Variants in STARD13 observed in about 807,000 individuals in gnomAD.
STARD13 encodes stAR-related lipid transfer protein 13.
Under a neutral mutation model 106.4 loss-of-function variants are expected in STARD13, and 62 were observed. The ratio of observed to expected loss-of-function variants is 0.58; its 90% CI spans 0.48 to 0.72. STARD13 has a LOEUF of 0.72. STARD13 is among the 30% of genes least tolerant of loss of function. The pLI, the probability that STARD13 is intolerant of heterozygous loss-of-function variation, is 0.00. For synonymous variants in STARD13, 565 were observed against 553.0 expected (o/e 1.02, Z -0.31); for missense variants, 1,387 against 1,424.0 (o/e 0.97, Z 0.42).
At chr13:33,224,011 C>T (rs148000993) in intron 1 of STARD13, among the ~76,000 whole-genome samples, 116 of 152,202 alleles carry the variant, frequency 7.6e-4, no homozygotes, top group African/African-American at 2.6e-3. Context: ...GGGGAGGACA[C>T]CTGATCCAAG....
At chr13:33,219,052 G>T (rs949052039) in intron 1 of STARD13, among the ~76,000 whole-genome samples, 1 of 152,108 alleles carries the variant, frequency 6.6e-6, no homozygotes, top group African/African-American at 2.4e-5. Flanking sequence ...TATAACAATC[G>T]TGTTTACTAT....
chr13:33,414,359 C>T, the STARD13 span, among the ~76,000 whole-genome samples: 3 of 152,070 alleles, frequency 2.0e-5, no homozygotes, highest in South Asian at 6.2e-4. Flanking sequence ...TTTTTAGCAG[C>T]TTTATTGATG....
chr13:33,516,942 G>GAA, the STARD13 span, among the ~76,000 whole-genome samples: 12 of 115,570 alleles, frequency 1.0e-4, no homozygotes, highest in Admixed American at 2.7e-4. Flanking sequence ...CCTTGTCTCA[G>GAA]AAAAAAAAAA....
rs1873556089 is a variant in STARD13, at chr13:33,105,383, T to C, written c.*210A>G. 7.6e-6 allele frequency: 4 copies of C among 527,404 alleles called. No individual in the cohort carries two copies. The highest frequency in any genetic ancestry group is 1.4e-5 in the Non-Finnish European group (4 of 294,870). 32.7% of individuals were successfully genotyped at this position (527,404 alleles called of 1,614,324 possible). On this transcript the variant is annotated 3_prime_UTR_variant, in exon 14 of 14. Coordinates refer to ENST00000336934, the MANE Select transcript of STARD13 (RefSeq NM_178006.4). ...ATAAAGTTCTCATTTTAAAATTATA[T>C]TAGTAGGGATGTAGCCATCTCCAGG...
chr13:33,652,365 G>A, the STARD13 span, among the ~76,000 whole-genome samples: 1,946 of 152,260 alleles, frequency 0.013, 46 homozygotes, highest in African/African-American at 0.044. Flanking sequence ...TGGTGAAGAC[G>A]AATTTAAGCC....
chr13:33,517,783 C>T, the STARD13 span, among the ~76,000 whole-genome samples: 15 of 152,192 alleles, frequency 9.9e-5, no homozygotes, highest in East Asian at 1.5e-3. Context: ...ATTCTTTTTA[C>T]GCTTCTGATA....
intron 1 of STARD13, among the ~76,000 whole-genome samples, chr13:33,341,867 G>A (rs1326033060): frequency 6.6e-6 from 1 of 151,540 alleles, no homozygotes. Context: ...TCAGCTCACT[G>A]CAACCTCCTC....
chr13:33,465,375 G>T, the STARD13 span, among the ~76,000 whole-genome samples: 8 of 151,638 alleles, frequency 5.3e-5, no homozygotes, highest in South Asian at 2.1e-4. Context: ...CCGGCTAATT[G>T]TTTGTATTTT....
chr13:33,433,672 G>A, the STARD13 span, among the ~76,000 whole-genome samples: 3 of 152,136 alleles, frequency 2.0e-5, no homozygotes, highest in Non-Finnish European at 2.9e-5. Flanking sequence ...TGAACACTGA[G>A]TATTTACAAG....
chr13:33,624,783 T>C, the STARD13 span, among the ~76,000 whole-genome samples: 1 of 152,252 alleles, frequency 6.6e-6, no homozygotes, highest in Non-Finnish European at 1.5e-5. Context: ...TATAGATAAC[T>C]TAATCCAAGG....
the STARD13 span, among the ~76,000 whole-genome samples, chr13:33,586,913 G>T: frequency 6.6e-6 from 1 of 152,074 alleles, no homozygotes; most frequent in Admixed American, 6.6e-5. Flanking sequence ...GAGTACCCCT[G>T]TTCAATTTTC....
At chr13:33,385,517 A>G in the STARD13 span, among the ~76,000 whole-genome samples, 3 of 148,728 alleles carry the variant, frequency 2.0e-5, no homozygotes, top group Admixed American at 6.7e-5. Context: ...CCTGTTTAAG[A>G]GCAGAGATAA....
the STARD13 span, among the ~76,000 whole-genome samples, chr13:33,609,661 G>T: frequency 6.6e-6 from 1 of 151,642 alleles, no homozygotes. Context: ...CCACCTCCCG[G>T]GTTCACGTCA....
chr13:33,577,497 G>T, the STARD13 span, among the ~76,000 whole-genome samples: 1 of 152,116 alleles, frequency 6.6e-6, no homozygotes, highest in Non-Finnish European at 1.5e-5. Flanking sequence ...ATGCTATGAG[G>T]TAAAAGCTAC....
At position 33,118,135 on chromosome 13, in the gene STARD13, C is replaced by G; in HGVS notation, c.2211G>C (p.Gln737His). ...GAGGCTCAGGGAGGTCCCGGAAGAA[C>G]TGTTTCACCATATCCGCCACATCAT... is the stretch of plus-strand genomic sequence containing the variant. ...SAYDVADMVK[Q>H]FFRDLPEPLF... Residue 737 changes from glutamine to histidine, a missense_variant, in exon 8 of 14, where the codon CAG becomes CAC. By Grantham distance (24) the Gln-to-His change is conservative. Coordinates refer to ENST00000336934, the MANE Select transcript of STARD13 (RefSeq NM_178006.4). 1 of 1,614,204 alleles carries G rather than the reference C, an allele frequency of 6.2e-7. No individual in the cohort carries two copies. Among genetic ancestry groups the G allele is most frequent in the South Asian group, 1.1e-5 (1 of 91,072 alleles).
the STARD13 span, among the ~76,000 whole-genome samples, chr13:33,650,193 T>G: frequency 9.4e-4 from 93 of 99,040 alleles, 4 homozygotes; most frequent in African/African-American, 4.8e-3. Flanking sequence ...TTTTTTTTTT[T>G]TTTTTTTTTT....
chr13:33,542,718 C>T, the STARD13 span, among the ~76,000 whole-genome samples: 1 of 152,222 alleles, frequency 6.6e-6, no homozygotes, highest in Admixed American at 6.5e-5. Flanking sequence ...TATCCGGGAC[C>T]AGAGGCTGGT....
the STARD13 span, among the ~76,000 whole-genome samples, chr13:33,542,942 G>A: frequency 2.0e-5 from 3 of 152,196 alleles, no homozygotes; most frequent in African/African-American, 7.2e-5. Context: ...GACGGGGAGG[G>A]ACCCGAGTCT....
the STARD13 span, among the ~76,000 whole-genome samples, chr13:33,553,497 C>A: frequency 6.6e-6 from 1 of 151,300 alleles, no homozygotes; most frequent in Non-Finnish European, 1.5e-5. Context: ...GGGAAATATA[C>A]CAATATGTTA....
Sources: allele counts gnomAD v4.1 joint callset (sites outside exome capture counted in the v4.1 genomes callset), GRCh38; gene constraint gnomAD v4.1.1; transcripts MANE v1.5; gene names NCBI Gene and HGNC (gene_info 2026-07-23, HGNC 2026-07-21).